Variants in CPQ observed in about 807,000 individuals in gnomAD.
The protein encoded by CPQ is Ser-Met dipeptidase.
Under a neutral mutation model 45.7 loss-of-function variants are expected in CPQ, and 37 were observed. That is an observed-to-expected ratio of 0.81 (90% CI 0.62 to 1.07). The LOEUF (loss-of-function observed/expected upper bound fraction) is 1.07, where lower values mean the gene tolerates loss of function less well. CPQ is among the 50% of genes least tolerant of loss of function. The probability of loss-of-function intolerance (pLI) is 0.00; values close to 1 mark genes in which losing one functional copy is unlikely to be tolerated. For synonymous variants in CPQ, 186 were observed against 205.8 expected (o/e 0.90, Z 0.82); for missense variants, 537 against 572.9 (o/e 0.94, Z 0.64).
At chr8:97,017,520 C>G (rs1384367342) in intron 5 of CPQ, among the ~76,000 whole-genome samples, 1 of 152,182 alleles carries the variant, frequency 6.6e-6, no homozygotes, top group African/African-American at 2.4e-5. Context: ...GGCAAGTTCT[C>G]AGCCCTGCTC....
intron 1 of CPQ, among the ~76,000 whole-genome samples, chr8:96,741,570 G>C (rs1327131042): frequency 1.3e-5 from 2 of 152,028 alleles, no homozygotes; most frequent in Non-Finnish European, 2.9e-5. Flanking sequence ...TGATGTTAGG[G>C]TGTCAATTTT....
At chr8:97,115,722 C>T (rs895902135) in intron 7 of CPQ, among the ~76,000 whole-genome samples, 41 of 152,302 alleles carry the variant, frequency 2.7e-4, no homozygotes, top group African/African-American at 8.9e-4. Flanking sequence ...ATACTATCAC[C>T]ACCTGCTTCA....
chr8:97,029,299 C>A lies in CPQ; in HGVS notation c.962-104C>A, dbSNP rs1475664888. Reference sequence around the variant, plus strand: ...CCACACCAGTGAGAGTTGAATGCCTCTGATTTCCTCCTTCCTCCACAAGGC... The same window carrying A: ...CCACACCAGTGAGAGTTGAATGCCTATGATTTCCTCCTTCCTCCACAAGGC... On this transcript the variant is annotated intron_variant, in intron 5 of 7. Coordinates refer to ENST00000220763, the MANE Select transcript of CPQ (RefSeq NM_016134.4). 3.6e-6 allele frequency: 4 copies of A among 1,126,588 alleles called. No homozygotes were observed. The African/African-American group carries it at 6.2e-5, about 18-fold the overall frequency. 69.8% of individuals were successfully genotyped at this position (1,126,588 alleles called of 1,614,324 possible). A position where few individuals can be genotyped will look rare whatever the true frequency, so the allele number is the denominator to read the frequency against.
chr8:96,916,964 C>T (rs1392729913), intron 4 of CPQ, among the ~76,000 whole-genome samples: 1 of 152,098 alleles, frequency 6.6e-6, no homozygotes, highest in Non-Finnish European at 1.5e-5. Flanking sequence ...TATCAAAATG[C>T]TTATTGCTGT....
intron 6 of CPQ, among the ~76,000 whole-genome samples, chr8:97,040,523 A>T (rs1263353983): frequency 6.6e-6 from 1 of 152,212 alleles, no homozygotes; most frequent in East Asian, 1.9e-4. Context: ...TTTTGTTGCC[A>T]TCGCTTTTGG....
intron 4 of CPQ, among the ~76,000 whole-genome samples, chr8:96,908,510 A>G (rs1463118990): frequency 2.6e-5 from 4 of 152,164 alleles, no homozygotes; most frequent in Non-Finnish European, 4.4e-5. Context: ...CTGGATCCCT[A>G]TGAAACTGTG....
intron 7 of CPQ, among the ~76,000 whole-genome samples, chr8:97,106,018 T>TTAA (rs1319583083): frequency 6.6e-6 from 1 of 152,238 alleles, no homozygotes; most frequent in Non-Finnish European, 1.5e-5. Context: ...TTACAGAATT[T>TTAA]TAATAACTTC....
intron 2 of CPQ, 87 bp downstream of exon 2, chr8:96,785,417 A>G: frequency 1.9e-6 from 2 of 1,076,472 alleles, no homozygotes; most frequent in Non-Finnish European, 2.6e-6. Flanking sequence ...GATTCATATT[A>G]TAATTTGGAT....
intron 3 of CPQ, among the ~76,000 whole-genome samples, chr8:96,839,897 G>C (rs1811584153): frequency 6.6e-6 from 1 of 152,154 alleles, no homozygotes; most frequent in African/African-American, 2.4e-5. Flanking sequence ...CCCAATAGAA[G>C]TAGATACTGT....
At chr8:96,877,260 C>G (rs114048061) in intron 3 of CPQ, among the ~76,000 whole-genome samples, 1 of 152,136 alleles carries the variant, frequency 6.6e-6, no homozygotes, top group African/African-American at 2.4e-5. Flanking sequence ...GAAACAAATT[C>G]AAAGGTTTTT....
intron 7 of CPQ, among the ~76,000 whole-genome samples, chr8:97,135,534 AAAT>A (rs1008802342): frequency 1.1e-4 from 17 of 152,284 alleles, no homozygotes; most frequent in African/African-American, 3.8e-4. Context: ...ATGTTGCTGA[AAAT>A]AATAATAATT....
intron 4 of CPQ, among the ~76,000 whole-genome samples, chr8:96,939,885 A>T (rs2853257): frequency 0.48 from 73,080 of 151,998 alleles, 19,344 homozygotes; most frequent in African/African-American, 0.73. Context: ...TTTGCTAGGT[A>T]ATGCCAAATT....
intron 5 of CPQ, among the ~76,000 whole-genome samples, chr8:97,023,016 T>TAGTATATATAC (rs775207305): frequency 2.8e-4 from 38 of 133,656 alleles, no homozygotes; most frequent in African/African-American, 1.1e-3. Flanking sequence ...ATACTATATA[T>TAGTATATATAC]AGTATATATA....
chr8:96,935,655 T>C (rs546026252), intron 4 of CPQ, among the ~76,000 whole-genome samples: 1 of 152,156 alleles, frequency 6.6e-6, no homozygotes, highest in Non-Finnish European at 1.5e-5. Flanking sequence ...CTGTACGTGT[T>C]TTAGTTGAGT....
chr8:96,808,151 G>A lies in CPQ; in HGVS notation c.433+22821G>A, dbSNP rs140970049. 2.3e-3 allele frequency among the ~76,000 whole-genome samples: 346 copies of A among 152,228 alleles called. 4 individuals carry two copies. The highest frequency in any genetic ancestry group is 8.1e-3 in the African/African-American group (338 of 41,528). On this transcript the variant is annotated intron_variant, in intron 2 of 7. Coordinates refer to ENST00000220763, the MANE Select transcript of CPQ (RefSeq NM_016134.4). ...CTATTTAGTTTTTACCAAACTAAAT[G>A]TTTATTAGTTGGTGATATTTAGGAA...
In CPQ at chr8:97,123,206, AAAAATAAAAT is replaced by A. The variant is rs1164063488; in HGVS notation, c.1256-19790_1256-19781del. ...AAATAAAATAAAATAAAATAAAATA[AAAAATAAAAT>A]AAAATAAAATAAAATAAAATAAATA... On this transcript the variant is annotated intron_variant, in intron 7 of 7. Transcript: ENST00000220763. Among the ~76,000 whole-genome samples the A allele has an allele frequency of 8.4e-3, 765 of 91,028 alleles. 11 individuals are homozygous for A. The highest frequency in any genetic ancestry group is 0.011 in the Non-Finnish European group (518 of 45,632). The allele number at this position is 91,028 out of a possible 152,430, so 59.7% of individuals were successfully genotyped here. A position where few individuals can be genotyped will look rare whatever the true frequency, so the allele number is the denominator to read the frequency against.
chr8:96,989,736 C>A (rs988091796), intron 5 of CPQ, among the ~76,000 whole-genome samples: 1 of 152,030 alleles, frequency 6.6e-6, no homozygotes. Context: ...CTCTGTCTCC[C>A]CCTGAACCTT....
intron 1 of CPQ, among the ~76,000 whole-genome samples, chr8:96,662,565 A>C (rs879621726): frequency 6.6e-6 from 1 of 152,222 alleles, no homozygotes; most frequent in South Asian, 2.1e-4. Flanking sequence ...TAGCTGAGCT[A>C]CTAAGCTTTA....
Position 96,879,903 on chromosome 8 carries a change from G to C in CPQ, c.747G>C (p.Gly249=). The C allele has an allele frequency of 6.2e-7, 1 of 1,614,060 alleles. No homozygotes were observed. The highest frequency in any genetic ancestry group is 2.2e-5 in the East Asian group (1 of 44,858). Residue 249 remains glycine, a synonymous_variant, in exon 4 of 8, where the codon GGG becomes GGC. Transcript: ENST00000220763. The part of the protein sequence containing the change: ...AEMMSRMASH[G]IKIVIQLKMG... ...TGATGTCAAGAATGGCTTCTCATGG[G>C]ATCAAAATTGTCATTCAGCTAAAGA...
Sources: allele counts gnomAD v4.1 joint callset (sites outside exome capture counted in the v4.1 genomes callset), GRCh38; gene constraint gnomAD v4.1.1; transcripts MANE v1.5; gene names NCBI Gene and HGNC (gene_info 2026-07-23, HGNC 2026-07-21).